The following CYLC2 variants were observed in gnomAD, a reference collection of about 807,000 sequenced individuals.
The protein encoded by CYLC2 is cylicin-2.
A neutral mutation model predicts 26.1 loss-of-function variants in CYLC2; 30 were observed. That is an observed-to-expected ratio of 1.15 (90% CI 0.86 to 1.56). The LOEUF is 1.56. Among genes scored for constraint, CYLC2 ranks in the 40% most tolerant of loss-of-function variants. The pLI, the probability that CYLC2 is intolerant of heterozygous loss-of-function variation, is 0.00. For missense variants in CYLC2, 498 were observed against 394.4 expected (o/e 1.26, Z -2.23); for synonymous variants, 158 against 132.8 (o/e 1.19, Z -1.31).
intron 6 of CYLC2, among the ~76,000 whole-genome samples, chr9:103,014,788 CATATGTAATATA>C (rs2118273524): frequency 6.9e-5 from 4 of 58,266 alleles, no homozygotes; most frequent in South Asian, 3.1e-3. Context: ...ATGCAATATA[CATATGTAATATA>C]CGTATGTATA....
chr9:103,014,510 A>C (rs1430588487), intron 6 of CYLC2, among the ~76,000 whole-genome samples: 1 of 135,532 alleles, frequency 7.4e-6, no homozygotes, highest in African/African-American at 2.7e-5. Flanking sequence ...AATATATGTA[A>C]TATACATAAT....
chr9:103,011,327 G>T (rs769874541), intron 5 of CYLC2, among the ~76,000 whole-genome samples: 7 of 151,992 alleles, frequency 4.6e-5, no homozygotes, highest in Non-Finnish European at 7.4e-5. Context: ...CTTTAAAACA[G>T]GTTTTTCAAG....
chr9:103,017,938 C>T (rs1829523769), intron 7 of CYLC2, among the ~76,000 whole-genome samples: 1 of 151,918 alleles, frequency 6.6e-6, no homozygotes, highest in African/African-American at 2.4e-5. Context: ...TATTGCATTA[C>T]GGTCCATCTT....
chr9:103,005,549 A>G lies in CYLC2; in HGVS notation c.918A>G (p.Lys306=). Residue 306 remains lysine (K), a synonymous_variant, in exon 5 of 8, where the codon AAA becomes AAG. Coordinates refer to ENST00000374798, the MANE Select transcript of CYLC2 (RefSeq NM_001340.5). The part of the protein sequence containing the change: ...ATKDAKKVAK[K]DTEKESADSK... ...AAGATGCCAAGAAAGTTGCCAAGAA[A>G]GATACTGAGAAAGAATCTGCTGATT... is the stretch of plus-strand genomic sequence containing the variant. 3 of 1,609,628 alleles carry G rather than the reference A, an allele frequency of 1.9e-6. No individual in the cohort carries two copies. Among genetic ancestry groups the G allele is most frequent in the Non-Finnish European group, 2.5e-6 (3 of 1,177,168 alleles).
intron 6 of CYLC2, among the ~76,000 whole-genome samples, chr9:103,014,730 ACG>A (rs1276039193): frequency 6.2e-5 from 6 of 96,722 alleles, no homozygotes; most frequent in African/African-American, 1.6e-4. Context: ...TATGTAATAT[ACG>A]TATGTATATT....
chr9:103,005,892 T>A lies in CYLC2; in HGVS notation c.*214T>A. 1.9e-6 allele frequency: 1 copy of A among 515,570 alleles called. No homozygotes were observed. Among genetic ancestry groups the A allele is most frequent in the Non-Finnish European group, 3.4e-6 (1 of 296,662 alleles). The allele number at this position is 515,570 out of a possible 1,614,324, so 31.9% of individuals were successfully genotyped here. On this transcript the variant is annotated 3_prime_UTR_variant, in exon 5 of 8. Transcript: ENST00000374798. ...TAAGAAAAATTAAGGGGGGATCCAT[T>A]GAAAGACTTGAAGAATACATATACT... is the stretch of plus-strand genomic sequence containing the variant.
intron 1 of CYLC2, among the ~76,000 whole-genome samples, chr9:102,997,583 T>C (rs188132620): frequency 2.6e-5 from 4 of 152,054 alleles, no homozygotes; most frequent in Admixed American, 2.0e-4. Flanking sequence ...CCATGTCTTT[T>C]ATGGTCTTCT....
Position 103,005,803 on chromosome 9 carries a change from G to T in CYLC2, c.*125G>T, listed in dbSNP as rs1349382493. ...TCAAAGAATTAAATAATTTTTAAAA[G>T]GTGGTAAAGAAGGATACAAAGGAGA... On this transcript the variant is annotated 3_prime_UTR_variant, in exon 5 of 8. Coordinates refer to ENST00000374798, the MANE Select transcript of CYLC2 (RefSeq NM_001340.5). 7 of 1,084,144 alleles carry T rather than the reference G, an allele frequency of 6.5e-6. No homozygotes were observed. The Admixed American group carries it at 1.4e-4, about 22-fold the overall frequency. The allele number at this position is 1,084,144 out of a possible 1,614,324, so 67.2% of individuals were successfully genotyped here.
At chr9:103,016,717 G>C (rs1482688561) in intron 6 of CYLC2, among the ~76,000 whole-genome samples, 171 bp from the exon 7 acceptor site, 2 of 151,976 alleles carry the variant, frequency 1.3e-5, no homozygotes, top group African/African-American at 4.8e-5. Flanking sequence ...GATTTACAAG[G>C]AAAGACAACT....
At position 103,004,703 on chromosome 9, in the gene CYLC2, T is replaced by G. The variant is rs753164725; in HGVS notation, c.189T>G (p.Asp63Glu). The change falls in exon 4 of 8, where the codon GAT becomes GAG. Residue 63 changes from aspartate (D) to glutamate (E), a missense_variant. Physicochemically the swap from Asp to Glu is conservative, Grantham distance 45. Transcript: ENST00000374798. ...QIRDNTVSIIDEEQLRGDRRQ... is the reference protein window; with the variant it reads ...QIRDNTVSIIEEEQLRGDRRQ... ...TTGTAACCATCTTTCAGATAATTGA[T>G]GAAGAACAATTAAGAGGAGATCGTA... The G allele has an allele frequency of 6.3e-7, 1 of 1,589,846 alleles. No homozygotes were observed. Among genetic ancestry groups the G allele is most frequent in the Non-Finnish European group, 8.5e-7 (1 of 1,172,370 alleles).
At chr9:103,016,126 ATATAAG>A (rs1180090752) in intron 6 of CYLC2, among the ~76,000 whole-genome samples, 1 of 151,896 alleles carries the variant, frequency 6.6e-6, no homozygotes, top group Non-Finnish European at 1.5e-5. Context: ...TATGTCTCAG[ATATAAG>A]TATAGACATA....
At position 103,004,725 on chromosome 9, in the gene CYLC2, C is replaced by G. The variant is rs753247753; in HGVS notation, c.211C>G (p.Arg71Gly). 1 of 1,601,158 alleles carries G rather than the reference C, an allele frequency of 6.2e-7. No individual in the cohort carries two copies. Among genetic ancestry groups the G allele is most frequent in the Admixed American group, 1.8e-5 (1 of 56,344 alleles). Residue 71 changes from arginine to glycine, a missense_variant, in exon 4 of 8, where the codon CGT (arginine) becomes GGT (glycine). Transcript: ENST00000374798. Reference sequence around the variant, plus strand: ...TGATGAAGAACAATTAAGAGGAGATCGTAGACAACCATTATGGATGTACCG... The same window carrying G: ...TGATGAAGAACAATTAAGAGGAGATGGTAGACAACCATTATGGATGTACCG... ...IIDEEQLRGD[R>G]RQPLWMYRSL... is the part of the protein sequence containing the mutation.
At position 103,006,065 on chromosome 9, in the gene CYLC2, CACACACAG is replaced by C. The variant is rs1403318936; in HGVS notation, c.*388_*395del. The C allele has an allele frequency of 2.7e-4, 36 of 132,154 alleles. No individual in the cohort carries two copies. Among genetic ancestry groups the C allele is most frequent in the Admixed American group, 4.9e-4 (6 of 12,254 alleles). 8.2% of individuals were successfully genotyped at this position (132,154 alleles called of 1,614,324 possible). ...ACACACACACACACACACACACACA[CACACACAG>C]TTTAATGAAGGCTTAAAGAATCCAA... On this transcript the variant is annotated 3_prime_UTR_variant, in exon 5 of 8. Coordinates refer to ENST00000374798, the MANE Select transcript of CYLC2 (RefSeq NM_001340.5).
At chr9:103,003,293 A>T (rs1291361719) in intron 3 of CYLC2, 30 bp downstream of exon 3, 1 of 1,547,240 alleles carries the variant, frequency 6.5e-7, no homozygotes, top group African/African-American at 1.4e-5. Flanking sequence ...TATAATTATC[A>T]GTAATAAGTA....
chr9:103,000,788 A>G (rs981914506), intron 1 of CYLC2, among the ~76,000 whole-genome samples: 1 of 152,040 alleles, frequency 6.6e-6, no homozygotes, highest in African/African-American at 2.4e-5. Flanking sequence ...CTCATGACCA[A>G]CGATGGCTCT....
chr9:103,013,976 TA>T (rs1490953612), intron 6 of CYLC2, among the ~76,000 whole-genome samples: 1 of 100,104 alleles, frequency 1.0e-5, no homozygotes, highest in Non-Finnish European at 1.9e-5. Flanking sequence ...TTATATTATA[TA>T]TTATTTAATA....
chr9:103,018,013 G>A (rs1326743339), intron 7 of CYLC2, among the ~76,000 whole-genome samples: 3 of 151,930 alleles, frequency 2.0e-5, no homozygotes, highest in Non-Finnish European at 4.4e-5. Flanking sequence ...ATTCTGTGGT[G>A]CTGGAAGTTA....
intron 5 of CYLC2, among the ~76,000 whole-genome samples, chr9:103,009,588 T>C (rs920456542): frequency 1.3e-5 from 2 of 152,118 alleles, no homozygotes; most frequent in African/African-American, 4.8e-5. Flanking sequence ...AAATATACTC[T>C]TATAGTGATT....
Position 103,003,179 on chromosome 9 carries a change from C to T in CYLC2, c.96C>T (p.His32=), listed in dbSNP as rs752024918. ...ELSKKSWNQQ[H]FALLFPKPQR... The stretch of plus-strand genomic sequence containing the variant: ...GCAAAAAATCATGGAATCAGCAACA[C>T]TTTGCCCTGTTATTTCCCAAACCAC... The change falls in exon 3 of 8, where the codon CAC becomes CAT. Residue 32 remains histidine, a synonymous_variant. Coordinates refer to ENST00000374798, the MANE Select transcript of CYLC2 (RefSeq NM_001340.5). The T allele has an allele frequency of 6.2e-6, 10 of 1,613,612 alleles. No homozygotes were observed. In the South Asian group the frequency reaches 1.1e-4, roughly 18 times the overall value.
Sources: allele counts gnomAD v4.1 joint callset (sites outside exome capture counted in the v4.1 genomes callset), GRCh38; gene constraint gnomAD v4.1.1; transcripts MANE v1.5; gene names NCBI Gene and HGNC (gene_info 2026-07-23, HGNC 2026-07-21).